Variants in CXADR observed in about 807,000 individuals in gnomAD.
CXADR encodes coxsackievirus and adenovirus receptor.
In CXADR, 20 loss-of-function variants were observed where a neutral mutation model predicts 40.3. The observed-to-expected ratio is 0.50, with a 90% CI of 0.35 to 0.72. CXADR has a LOEUF of 0.72. Ranked by LOEUF, CXADR falls within the 30% of genes least tolerant of loss-of-function variation. CXADR has a pLI of 0.01. For synonymous variants in CXADR, 150 were observed against 161.3 expected, an observed-to-expected ratio of 0.93 and a Z score of 0.53; for missense variants, 332 against 449.1, an observed-to-expected ratio of 0.74 and a Z score of 2.36.
chr21:17,612,915 A>G, the CXADR span: 3 of 151,772 alleles, frequency 2.0e-5, no homozygotes, highest in African/African-American at 7.3e-5. Context: ...CGCAGCCCCA[A>G]AGCGGCGCGC....
In CXADR at chr21:17,560,723, C is replaced by A. The variant is rs1265980288; in HGVS notation, c.593C>A (p.Ser198Tyr). 1.2e-6 allele frequency: 2 copies of A among 1,612,996 alleles called. No individual in the cohort carries two copies. Among genetic ancestry groups the A allele is most frequent in the Non-Finnish European group, 1.7e-6 (2 of 1,179,714 alleles). The change falls in exon 5 of 7, where the codon TCT becomes TAT. Residue 198 changes from serine (S) to tyrosine (Y), a missense_variant. By Grantham distance (144) the Ser-to-Tyr change is moderately radical (BLOSUM62 -2). Coordinates refer to ENST00000284878, the MANE Select transcript of CXADR (RefSeq NM_001338.5). ...ATAGAAATGACTTCATCTGTTATAT[C>A]TGTAAAAAATGCCTCTTCTGAGTAC... ...WLAEMTSSVI[S>Y]VKNASSEYSG...
At chr21:17,621,068 C>T in the CXADR span, among the ~76,000 whole-genome samples, 1 of 152,178 alleles carries the variant, frequency 6.6e-6, no homozygotes, top group Non-Finnish European at 1.5e-5. Context: ...CCACATTATT[C>T]AGGATAATCT....
intron 7 of CXADR, among the ~76,000 whole-genome samples, chr21:17,586,337 A>G (rs1392982005): frequency 6.7e-6 from 1 of 149,594 alleles, no homozygotes; most frequent in Non-Finnish European, 1.5e-5. Flanking sequence ...CTGTCTTCCA[A>G]TATTTCCCAA....
intron 7 of CXADR, among the ~76,000 whole-genome samples, chr21:17,577,160 A>T (rs1301593899): frequency 1.3e-5 from 2 of 152,168 alleles, no homozygotes; most frequent in African/African-American, 4.8e-5. Flanking sequence ...TCAAAAAAAA[A>T]AAAATTGTTT....
At chr21:17,544,905 T>A (rs1299427960) in intron 1 of CXADR, among the ~76,000 whole-genome samples, 1 of 152,134 alleles carries the variant, frequency 6.6e-6, no homozygotes, top group East Asian at 1.9e-4. Flanking sequence ...GAACTGATAG[T>A]CTGTGTATAT....
At position 17,517,570 on chromosome 21, in the gene CXADR, A is replaced by G. The variant is rs148527325; in HGVS notation, c.43+4398A>G. Among the ~76,000 whole-genome samples the G allele has an allele frequency of 1.1e-3, 160 of 152,366 alleles. 3 individuals are homozygous for G. In the East Asian group the frequency reaches 0.029, roughly 28 times the overall value. ...AAAAAGAGGCATTTTTGTACCTGCTATTAAGAACAGCTAGGATACAGGATA... is the reference window on the plus strand; with the variant it reads ...AAAAAGAGGCATTTTTGTACCTGCTGTTAAGAACAGCTAGGATACAGGATA... On this transcript the variant is annotated intron_variant, in intron 1 of 6. Transcript: ENST00000284878.
intron 1 of CXADR, among the ~76,000 whole-genome samples, chr21:17,540,624 G>T (rs1266393021): frequency 6.6e-6 from 1 of 152,164 alleles, no homozygotes; most frequent in East Asian, 1.9e-4. Context: ...CCTGACTGTT[G>T]TTGGACATTT....
At chr21:17,548,798 C>T (rs918394379) in intron 2 of CXADR, among the ~76,000 whole-genome samples, 2 of 152,178 alleles carry the variant, frequency 1.3e-5, no homozygotes, top group African/African-American at 2.4e-5. Flanking sequence ...ACGGCTTTGC[C>T]GTCTACAGGA....
intron 7 of CXADR, among the ~76,000 whole-genome samples, chr21:17,582,875 A>G (rs1288497648): frequency 6.6e-6 from 1 of 152,214 alleles, no homozygotes; most frequent in East Asian, 1.9e-4. Context: ...CCCAAGTTCA[A>G]TGTTGGCTGC....
downstream of CXADR, chr21:17,594,000 C>T: frequency 7.0e-7 from 1 of 1,436,732 alleles, no homozygotes; most frequent in Non-Finnish European, 9.3e-7. Context: ...CATCTAACTT[C>T]ACTACTATTA....
intron 1 of CXADR, chr21:17,519,081 C>A: frequency 1.1e-6 from 1 of 902,172 alleles, no homozygotes; most frequent in African/African-American, 1.6e-5. Flanking sequence ...CCCTCTTAAT[C>A]TTTTCATTCC....
At position 17,569,976 on chromosome 21, in the gene CXADR, G is replaced by T. The variant is rs1328727964; in HGVS notation, c.*4284G>T. ...TGTCAGTTTCAGATTTTGTATGTACGATTTCTGGCTTATATATCCAATGGT... is the reference window on the plus strand; with the variant it reads ...TGTCAGTTTCAGATTTTGTATGTACTATTTCTGGCTTATATATCCAATGGT... On this transcript the variant is annotated 3_prime_UTR_variant, in exon 7 of 7. Transcript: ENST00000284878. The T allele has an allele frequency of 1.0e-6, 1 of 985,368 alleles. No homozygotes were observed. Among genetic ancestry groups the T allele is most frequent in the Non-Finnish European group, 1.2e-6 (1 of 829,914 alleles). 61.0% of individuals were successfully genotyped at this position (985,368 alleles called of 1,614,324 possible). A position where few individuals can be genotyped will look rare whatever the true frequency, so the allele number is the denominator to read the frequency against.
chr21:17,579,522 G>C (rs1274312742), intron 7 of CXADR, among the ~76,000 whole-genome samples: 5 of 152,184 alleles, frequency 3.3e-5, no homozygotes, highest in Non-Finnish European at 7.3e-5. Flanking sequence ...CTGACCTCGT[G>C]ATCTGCCTGC....
intron 1 of CXADR, among the ~76,000 whole-genome samples, chr21:17,532,158 C>A (rs1029998973): frequency 7.9e-5 from 12 of 151,976 alleles, no homozygotes; most frequent in Admixed American, 4.6e-4. Flanking sequence ...GTCTCAAACT[C>A]CTGGGCCTAA....
chr21:17,534,373 G>T (rs981194993), intron 1 of CXADR, among the ~76,000 whole-genome samples: 23 of 152,038 alleles, frequency 1.5e-4, no homozygotes, highest in Admixed American at 1.2e-3. Flanking sequence ...GGGATTACAG[G>T]CGTGAGCCAC....
the CXADR span, among the ~76,000 whole-genome samples, chr21:17,630,750 T>C: frequency 6.6e-6 from 1 of 151,558 alleles, no homozygotes; most frequent in Non-Finnish European, 1.5e-5. Flanking sequence ...TGTTATAATA[T>C]TCATTTTAAG....
chr21:17,617,754 G>A, the CXADR span, among the ~76,000 whole-genome samples: 2,971 of 152,222 alleles, frequency 0.02, 105 homozygotes, highest in African/African-American at 0.067. Context: ...CTCGATGCTG[G>A]TGACTGCTAA....
At chr21:17,520,157 G>A (rs528845021) in intron 1 of CXADR, among the ~76,000 whole-genome samples, 21 of 152,200 alleles carry the variant, frequency 1.4e-4, no homozygotes, top group African/African-American at 5.1e-4. Context: ...TGTTAATTAA[G>A]TGATACTTAA....
At chr21:17,610,782 G>A in the CXADR span, among the ~76,000 whole-genome samples, 2 of 152,156 alleles carry the variant, frequency 1.3e-5, no homozygotes, top group Non-Finnish European at 2.9e-5. Flanking sequence ...TAACCTAGCA[G>A]TAGTTTGTGT....
Sources: allele counts gnomAD v4.1 joint callset (sites outside exome capture counted in the v4.1 genomes callset), GRCh38; gene constraint gnomAD v4.1.1; transcripts MANE v1.5; gene names NCBI Gene and HGNC (gene_info 2026-07-23, HGNC 2026-07-21).